Variants in BRINP3 observed in about 807,000 individuals in gnomAD.
The protein encoded by BRINP3 is BMP/retinoic acid inducible neural specific 3, also known as BMP/retinoic acid-inducible neural-specific protein 3.
Under a neutral mutation model 71.0 loss-of-function variants are expected in BRINP3, and 19 were observed. That is an observed-to-expected ratio of 0.27 (90% CI 0.19 to 0.39). BRINP3 has a LOEUF of 0.39. Ranked by LOEUF, BRINP3 falls within the 10% of genes least tolerant of loss-of-function variation. The pLI is 1.00. For synonymous variants in BRINP3, 380 were observed against 337.7 expected (o/e 1.13, Z -1.37); for missense variants, 959 against 940.8 (o/e 1.02, Z -0.25).
chr1:190,470,334 G>A (rs1295869650), intron 1 of BRINP3, among the ~76,000 whole-genome samples: 3 of 150,882 alleles, frequency 2.0e-5, no homozygotes, highest in Non-Finnish European at 4.5e-5. Context: ...TTCTTACATG[G>A]CAGAGAACTA....
intron 2 of BRINP3, among the ~76,000 whole-genome samples, chr1:190,339,836 A>G (rs1667538029): frequency 6.6e-6 from 1 of 151,972 alleles, no homozygotes; most frequent in Non-Finnish European, 1.5e-5. Context: ...CAGTAGATCA[A>G]TACTTTATAG....
At chr1:190,300,111 T>C (rs959714817) in intron 2 of BRINP3, among the ~76,000 whole-genome samples, 4 of 152,152 alleles carry the variant, frequency 2.6e-5, no homozygotes, top group Non-Finnish European at 4.4e-5. Context: ...TGCTAGATTG[T>C]GGAAGTTCTC....
intron 7 of BRINP3, among the ~76,000 whole-genome samples, chr1:190,147,123 T>C (rs1411998279): frequency 6.6e-6 from 1 of 152,088 alleles, no homozygotes; most frequent in East Asian, 1.9e-4. Flanking sequence ...CAAATTTCTT[T>C]AAGTACATTT....
intron 2 of BRINP3, among the ~76,000 whole-genome samples, chr1:190,310,030 G>A (rs772063546): frequency 2.0e-5 from 3 of 151,382 alleles, no homozygotes; most frequent in South Asian, 4.2e-4. Flanking sequence ...CCAATCTCTA[G>A]TGTCTGTATA....
intron 2 of BRINP3, among the ~76,000 whole-genome samples, chr1:190,324,478 G>T (rs140116348): frequency 2.0e-5 from 3 of 151,790 alleles, no homozygotes; most frequent in Non-Finnish European, 4.4e-5. Context: ...AAAATGTAGC[G>T]TTAATAAATC....
intron 7 of BRINP3, among the ~76,000 whole-genome samples, chr1:190,111,736 C>CA (rs1652715090): frequency 6.6e-6 from 1 of 152,026 alleles, no homozygotes; most frequent in African/African-American, 2.4e-5. Context: ...ATTTCAAAGT[C>CA]ACAATCATAA....
chr1:190,248,556 C>T (rs1234463466), intron 4 of BRINP3, among the ~76,000 whole-genome samples: 1 of 151,600 alleles, frequency 6.6e-6, no homozygotes, highest in East Asian at 1.9e-4. Context: ...TTCTATTCTC[C>T]CCTCCTTTCA....
At chr1:190,148,399 C>A (rs1656084640) in intron 7 of BRINP3, among the ~76,000 whole-genome samples, 1 of 151,796 alleles carries the variant, frequency 6.6e-6, no homozygotes, top group Admixed American at 6.6e-5. Flanking sequence ...CGAAACCATC[C>A]TGACTAACAC....
chr1:190,098,424 C>A lies in BRINP3; in HGVS notation c.1895G>T (p.Arg632Leu). ...ACCATTGGGACCATTGGACTTGATG[C>A]GACTTCTCAGGTAGATGTGTACTGT... The part of the protein sequence containing the change: ...FETVHIYLRS[R>L]IKSNGPNGNE... The change falls in exon 8 of 8, where the codon CGC becomes CTC. Residue 632 changes from arginine (R) to leucine (L), a missense_variant. Coordinates refer to ENST00000367462, the MANE Select transcript of BRINP3 (RefSeq NM_199051.3). 1 of 1,614,114 alleles carries A rather than the reference C, an allele frequency of 6.2e-7. No homozygotes were observed. The highest frequency in any genetic ancestry group is 1.1e-5 in the South Asian group (1 of 91,078).
intron 1 of BRINP3, among the ~76,000 whole-genome samples, chr1:190,469,080 C>A (rs918714438): frequency 6.6e-5 from 10 of 151,016 alleles, no homozygotes; most frequent in African/African-American, 2.2e-4. Flanking sequence ...CCATAAATTT[C>A]TTTTAATAAA....
At chr1:190,197,149 C>G (rs1654557702) in intron 6 of BRINP3, among the ~76,000 whole-genome samples, 1 of 151,686 alleles carries the variant, frequency 6.6e-6, no homozygotes, top group East Asian at 1.9e-4. Context: ...GGCAAGAGAG[C>G]TTGTGTAGGA....
At chr1:190,469,977 T>C (rs892627058) in intron 1 of BRINP3, among the ~76,000 whole-genome samples, 13 of 151,040 alleles carry the variant, frequency 8.6e-5, no homozygotes, top group African/African-American at 2.9e-4. Context: ...ATCTGAAACA[T>C]TTCAAAGAAA....
Position 190,156,677 on chromosome 1 carries a change from G to T in BRINP3, c.1184+3991C>A, listed in dbSNP as rs184117933. 4.3e-3 allele frequency among the ~76,000 whole-genome samples: 651 copies of T among 152,018 alleles called. 5 individuals carry two copies. The highest frequency in any genetic ancestry group is 0.014 in the Middle Eastern group (4 of 294). On this transcript the variant is annotated intron_variant, in intron 7 of 7. Coordinates refer to ENST00000367462, the MANE Select transcript of BRINP3 (RefSeq NM_199051.3). ...CTAGCAAGAAGTCTGCATTGTTTTT[G>T]TGTGTGTGGTGACTAATAGTCAACT...
At chr1:190,393,979 C>A in intron 2 of BRINP3, among the ~76,000 whole-genome samples, 1 of 151,502 alleles carries the variant, frequency 6.6e-6, no homozygotes, top group Admixed American at 6.6e-5. Flanking sequence ...AACTATTTAA[C>A]TTGAGAAATT....
intron 2 of BRINP3, among the ~76,000 whole-genome samples, chr1:190,336,084 T>C (rs1667265261): frequency 6.6e-6 from 1 of 151,994 alleles, no homozygotes; most frequent in South Asian, 2.1e-4. Flanking sequence ...CTGTTTCCCA[T>C]AACGAAATGA....
intron 2 of BRINP3, 27 bp from the exon 3 acceptor site, chr1:190,281,777 T>C (rs1267544553): frequency 1.9e-6 from 3 of 1,591,902 alleles, no homozygotes; most frequent in Non-Finnish European, 2.6e-6. Context: ...TTTTTATTCA[T>C]AAATGCATAA....
At chr1:190,099,211 T>A in intron 7 of BRINP3, 77 bp from the exon 8 acceptor site, 2 of 1,399,676 alleles carry the variant, frequency 1.4e-6, no homozygotes, top group Non-Finnish European at 1.9e-6. Flanking sequence ...AGCTCAGAAA[T>A]CTTTGCTATC....
chr1:190,280,012 A>G (rs1468097896), intron 3 of BRINP3, among the ~76,000 whole-genome samples: 2 of 151,886 alleles, frequency 1.3e-5, no homozygotes, highest in Non-Finnish European at 1.5e-5. Flanking sequence ...GTGGTGACCA[A>G]TATAGCTAAG....
At chr1:190,341,308 A>G (rs1269884055) in intron 2 of BRINP3, among the ~76,000 whole-genome samples, 2 of 151,824 alleles carry the variant, frequency 1.3e-5, no homozygotes, top group Non-Finnish European at 2.9e-5. Flanking sequence ...ATCACTTTTA[A>G]TGTTTTTCAT....
Sources: allele counts gnomAD v4.1 joint callset (sites outside exome capture counted in the v4.1 genomes callset), GRCh38; gene constraint gnomAD v4.1.1; transcripts MANE v1.5; gene names NCBI Gene and HGNC (gene_info 2026-07-23, HGNC 2026-07-21).